The following ZNF106 variants were observed in gnomAD, a reference collection of about 807,000 sequenced individuals.
ZNF106 encodes zinc finger protein 106, also known as SH3-domain binding protein 3.
In ZNF106, 67 loss-of-function variants were observed where a neutral mutation model predicts 195.1. That is an observed-to-expected ratio of 0.34 (90% CI 0.28 to 0.42). ZNF106 has a LOEUF of 0.42. Ranked by LOEUF, ZNF106 falls within the 10% of genes least tolerant of loss-of-function variation. The pLI, the probability that ZNF106 is intolerant of heterozygous loss-of-function variation, is 1.00. For synonymous variants in ZNF106, 784 were observed against 818.6 expected, an observed-to-expected ratio of 0.96 and a Z score of 0.72; for missense variants, 2,118 against 2,304.5, an observed-to-expected ratio of 0.92 and a Z score of 1.66.
rs769224341 is a variant in ZNF106, at chr15:42,449,754, C to T, written c.2501+17G>A. 13 of 1,583,526 alleles carry T rather than the reference C, an allele frequency of 8.2e-6. No homozygotes were observed. In the East Asian group the frequency reaches 1.8e-4, roughly 22 times the overall value. ...AAGAAAGTGAGGAAAAAAAAGACAC[C>T]GAAAAGCAGCACACACCTGGGTAAG... On this transcript the variant is annotated intron_variant, in intron 5 of 21. Transcript: ENST00000564754.
chr15:42,440,828 C>T (rs935528139), intron 10 of ZNF106, among the ~76,000 whole-genome samples: 1 of 148,498 alleles, frequency 6.7e-6, no homozygotes, highest in Non-Finnish European at 1.5e-5. Context: ...ATTAAAAATA[C>T]ATAAATTAGC....
At chr15:42,435,864 A>G (rs1476073688) in intron 13 of ZNF106, among the ~76,000 whole-genome samples, 1 of 152,194 alleles carries the variant, frequency 6.6e-6, no homozygotes, top group African/African-American at 2.4e-5. Context: ...ATTTCCCACA[A>G]AAGATGAGCA....
chr15:42,429,211 C>T (rs1399910323), intron 14 of ZNF106, among the ~76,000 whole-genome samples: 3 of 151,160 alleles, frequency 2.0e-5, no homozygotes, highest in Non-Finnish European at 2.9e-5. Context: ...GAAGCCGAGG[C>T]GGGTGAATCA....
At chr15:42,486,051 G>T (rs1007291929) in intron 1 of ZNF106, among the ~76,000 whole-genome samples, 1 of 149,978 alleles carries the variant, frequency 6.7e-6, no homozygotes, top group Non-Finnish European at 1.5e-5. Flanking sequence ...TCCACCTCCC[G>T]GGTTCAATCG....
At chr15:42,428,169 G>A in intron 14 of ZNF106, 35 bp from the exon 15 acceptor site, 4 of 1,570,108 alleles carry the variant, frequency 2.5e-6, no homozygotes, top group Non-Finnish European at 3.5e-6. Flanking sequence ...TCAGCAGAGG[G>A]TACTGGCAAA....
chr15:42,454,370 A>T (rs2056157433), intron 4 of ZNF106, among the ~76,000 whole-genome samples: 1 of 152,160 alleles, frequency 6.6e-6, no homozygotes, highest in African/African-American at 2.4e-5. Flanking sequence ...TGCAATATGC[A>T]ACTTCTGGCA....
intron 6 of ZNF106, 29 bp downstream of exon 6, chr15:42,448,043 C>A: frequency 6.4e-7 from 1 of 1,566,954 alleles, no homozygotes; most frequent in South Asian, 1.2e-5. Context: ...ATGCGATGTT[C>A]TACAAAAAGC....
chr15:42,481,363 T>A (rs796235432), intron 1 of ZNF106, among the ~76,000 whole-genome samples: 27 of 142,842 alleles, frequency 1.9e-4, no homozygotes, highest in Middle Eastern at 3.5e-3. Flanking sequence ...TGTTGTTTTT[T>A]TTTTTTTTTT....
In ZNF106 at chr15:42,451,724, C is replaced by T. The variant is rs200961054; in HGVS notation, c.548G>A (p.Arg183His). ...SLRNGGGPRGRSGWHKGVAGG... is the reference protein window; with the variant it reads ...SLRNGGGPRGHSGWHKGVAGG... ...TGCAACACCCTTATGCCACCCGGAA[C>T]GTCCTCTTGGTCCACCACCATTCCT... is the stretch of plus-strand genomic sequence containing the variant. Residue 183 changes from arginine to histidine, a missense_variant, in exon 5 of 22, where the codon CGT becomes CAT. Transcript: ENST00000564754. 35 of 1,614,098 alleles carry T rather than the reference C, an allele frequency of 2.2e-5. No individual in the cohort carries two copies. The highest frequency in any genetic ancestry group is 2.6e-5 in the Non-Finnish European group (31 of 1,180,050).
chr15:42,477,038 T>C (rs1281193244), intron 1 of ZNF106, among the ~76,000 whole-genome samples: 1 of 152,172 alleles, frequency 6.6e-6, no homozygotes, highest in Admixed American at 6.5e-5. Context: ...CTTCACAGGG[T>C]ATCGGTGCCC....
chr15:42,444,112 CAAAAAAAAA>C (rs58966014), intron 9 of ZNF106, 81 bp downstream of exon 9: 81 of 248,880 alleles, frequency 3.3e-4, no homozygotes, highest in South Asian at 6.7e-4. Context: ...ACTCTGTCTC[CAAAAAAAAA>C]AAAAAAAAAA....
intron 13 of ZNF106, 76 bp from the exon 14 acceptor site, chr15:42,435,594 G>A: frequency 6.4e-7 from 1 of 1,570,788 alleles, no homozygotes; most frequent in Middle Eastern, 1.7e-4. Context: ...TCAACAAAAA[G>A]ATGCTAAAAC....
At chr15:42,478,369 G>A (rs2056828944) in intron 1 of ZNF106, among the ~76,000 whole-genome samples, 1 of 151,832 alleles carries the variant, frequency 6.6e-6, no homozygotes, top group South Asian at 2.1e-4. Context: ...TCACCATATT[G>A]GCCAGGTTGG....
chr15:42,441,697 T>C (rs1166823650), intron 10 of ZNF106: 2 of 159,798 alleles, frequency 1.3e-5, no homozygotes, highest in African/African-American at 4.8e-5. Flanking sequence ...GTATTTGAGA[T>C]TATATAGACA....
In ZNF106 at chr15:42,418,532, A is replaced by ATTTTTTTTTTTT. The variant is rs1162999546; in HGVS notation, c.5518-593_5518-582dup. Among the ~76,000 whole-genome samples, 236 of 96,228 alleles carry ATTTTTTTTTTTT rather than the reference A, an allele frequency of 2.5e-3. 12 individuals carry two copies. Among genetic ancestry groups the ATTTTTTTTTTTT allele is most frequent in the African/African-American group, 3.2e-3 (76 of 23,444 alleles). The allele number at this position is 96,228 out of a possible 152,430, so 63.1% of individuals were successfully genotyped here. A position where few individuals can be genotyped will look rare whatever the true frequency, so the allele number is the denominator to read the frequency against. ...AGGCGTGCACCACCACGGCCAGTTA[A>ATTTTTTTTTTTT]TTTTTTTTTTTTTTTTTTTTTTTTT... On this transcript the variant is annotated intron_variant, in intron 20 of 21. Coordinates refer to ENST00000564754, the MANE Select transcript of ZNF106 (RefSeq NM_001366845.3).
At chr15:42,418,211 A>G (rs888515418) in intron 20 of ZNF106, among the ~76,000 whole-genome samples, 4 of 152,236 alleles carry the variant, frequency 2.6e-5, no homozygotes, top group African/African-American at 7.2e-5. Flanking sequence ...TTCTTAAATC[A>G]GGAAAAGGCC....
In ZNF106 at chr15:42,454,524, C is replaced by T. The variant is rs1329570778; in HGVS notation, c.317+2434G>A. Among the ~76,000 whole-genome samples the T allele has an allele frequency of 2.7e-5, 4 of 150,700 alleles. No homozygotes were observed. In the East Asian group the frequency reaches 5.8e-4, roughly 22 times the overall value. ...GGAGCATTCAGCTAAACCCATAGAC[C>T]AGAAAGAATAATCTAAGTTAAAAAT... On this transcript the variant is annotated intron_variant, in intron 4 of 21. Transcript: ENST00000564754.
rs17708630 is a variant in ZNF106, at chr15:42,417,979, G to C, written c.5518-28C>G. On this transcript the variant is annotated intron_variant, in intron 20 of 21. Coordinates refer to ENST00000564754, the MANE Select transcript of ZNF106 (RefSeq NM_001366845.3). ...GGAGAGAAAGAAAATGAGGAGACTC[G>C]GTGAAAAAGGGTGCAGTGAACGTGA... is the stretch of plus-strand genomic sequence containing the variant. 7 of 1,602,830 alleles carry C rather than the reference G, an allele frequency of 4.4e-6. No homozygotes were observed. The South Asian group carries it at 6.7e-5, about 15-fold the overall frequency.
intron 14 of ZNF106, among the ~76,000 whole-genome samples, chr15:42,430,760 C>T (rs62022306): frequency 0.1 from 15,169 of 151,908 alleles, 941 homozygotes; most frequent in Non-Finnish European, 0.14. Context: ...CGGCTTTTCC[C>T]CCTGGTTTTA....
Sources: allele counts gnomAD v4.1 joint callset (sites outside exome capture counted in the v4.1 genomes callset), GRCh38; gene constraint gnomAD v4.1.1; transcripts MANE v1.5; gene names NCBI Gene and HGNC (gene_info 2026-07-23, HGNC 2026-07-21).